C12orf42: variants seen among roughly 807,000 people sequenced by gnomAD.
C12orf42 encodes the protein chromosome 12 open reading frame 42, also known as uncharacterized protein C12orf42.
A neutral mutation model predicts 21.6 loss-of-function variants in C12orf42; 25 were observed. That is an observed-to-expected ratio of 1.16 (90% CI 0.84 to 1.62). The LOEUF is 1.62. Among genes scored for constraint, C12orf42 ranks in the 40% most tolerant of loss-of-function variants. C12orf42 has a pLI of 0.00. For missense variants in C12orf42, 483 were observed against 459.3 expected, an observed-to-expected ratio of 1.05 and a Z score of -0.47; for synonymous variants, 174 against 175.0, an observed-to-expected ratio of 0.99 and a Z score of 0.05.
At chr12:103,309,357 C>A (rs1356764861) in intron 4 of C12orf42, among the ~76,000 whole-genome samples, 7 of 152,134 alleles carry the variant, frequency 4.6e-5, no homozygotes, top group Non-Finnish European at 7.4e-5. Context: ...ATAGTAAATA[C>A]ATATTTTACA....
chr12:103,125,224 G>T, the C12orf42 span, among the ~76,000 whole-genome samples: 1 of 152,064 alleles, frequency 6.6e-6, no homozygotes, highest in African/African-American at 2.4e-5. Flanking sequence ...TAGCAGCTTA[G>T]ATATGAAAAA....
chr12:103,272,903 A>C (rs542966380), intron 5 of C12orf42, among the ~76,000 whole-genome samples: 74 of 152,260 alleles, frequency 4.9e-4, no homozygotes, highest in African/African-American at 1.7e-3. Flanking sequence ...ATGTCACCCA[A>C]GTGTGTTTTC....
At position 103,294,583 on chromosome 12, in the gene C12orf42, GGAAAGAAAGAAAGAAAGAAAGAAA is replaced by G. The variant is rs60577440; in HGVS notation, n.338-17397_338-17374del. Among the ~76,000 whole-genome samples the G allele has an allele frequency of 0.017, 1,350 of 80,330 alleles. 62 individuals are homozygous for G. The East Asian group carries it at 0.25, about 15-fold the overall frequency. 52.7% of individuals were successfully genotyped at this position (80,330 alleles called of 152,430 possible). On this transcript the variant is annotated intron_variant and non_coding_transcript_variant, in intron 4 of 6. Coordinates refer to the C12orf42 transcript ENST00000546526. ...AAAGAAAAAGAAAGGAAGGAAGGAA[GGAAAGAAAGAAAGAAAGAAAGAAA>G]GAAAGAAAGAAAGAAAGAAAGAAAG...
At chr12:103,051,266 G>T in the C12orf42 span, among the ~76,000 whole-genome samples, 5 of 152,172 alleles carry the variant, frequency 3.3e-5, no homozygotes, top group African/African-American at 9.7e-5. Context: ...TGAGGAAGTG[G>T]TCATTAGATT....
chr12:103,371,762 C>T (rs554447489), intron 3 of C12orf42, among the ~76,000 whole-genome samples: 1 of 152,182 alleles, frequency 6.6e-6, no homozygotes, highest in South Asian at 2.1e-4. Context: ...CATGTAGGCC[C>T]ACATCCAAGT....
the C12orf42 span, among the ~76,000 whole-genome samples, chr12:103,223,968 A>G: frequency 5.3e-5 from 8 of 152,192 alleles, no homozygotes; most frequent in Admixed American, 5.2e-4. Flanking sequence ...GAATACTAAG[A>G]GCCTGAAAAA....
chr12:103,257,716 A>G (rs12320837), intron 10 of C12orf42, among the ~76,000 whole-genome samples: 12,702 of 151,998 alleles, frequency 0.084, 523 homozygotes, highest in East Asian at 0.19. Context: ...GAAAGTAACA[A>G]ATACAAAAAT....
chr12:103,484,957 C>T (rs1954732767), intron 1 of C12orf42, among the ~76,000 whole-genome samples: 1 of 150,760 alleles, frequency 6.6e-6, no homozygotes, highest in African/African-American at 2.4e-5. Flanking sequence ...GCAAGCTCCA[C>T]CTCCTGGGTT....
chr12:103,323,354 A>G (rs757995792), intron 4 of C12orf42, among the ~76,000 whole-genome samples: 4 of 152,210 alleles, frequency 2.6e-5, no homozygotes, highest in Non-Finnish European at 4.4e-5. Context: ...AAGGAAATTA[A>G]TGGTTGATTA....
chr12:103,159,235 G>A, the C12orf42 span, among the ~76,000 whole-genome samples: 2 of 152,096 alleles, frequency 1.3e-5, no homozygotes, highest in African/African-American at 4.8e-5. Flanking sequence ...TTCTATCCCT[G>A]CACCTCTTCT....
At chr12:103,380,939 T>C (rs2046109542) in intron 3 of C12orf42, among the ~76,000 whole-genome samples, 1 of 152,168 alleles carries the variant, frequency 6.6e-6, no homozygotes, top group African/African-American at 2.4e-5. Flanking sequence ...ATTGTATATA[T>C]AGGGTACCTG....
chr12:103,104,293 A>C, the C12orf42 span, among the ~76,000 whole-genome samples: 2 of 152,340 alleles, frequency 1.3e-5, no homozygotes, highest in South Asian at 4.1e-4. Context: ...ACATAAGTTC[A>C]AAATAAAGAA....
At chr12:103,403,839 G>A (rs1464045891) in intron 2 of C12orf42, among the ~76,000 whole-genome samples, 1 of 152,150 alleles carries the variant, frequency 6.6e-6, no homozygotes, top group Non-Finnish European at 1.5e-5. Flanking sequence ...CAGTCAGCAC[G>A]AAGCACTGAA....
the C12orf42 span, among the ~76,000 whole-genome samples, chr12:103,076,401 T>C: frequency 2.0e-5 from 3 of 151,928 alleles, no homozygotes; most frequent in Admixed American, 2.0e-4. Context: ...CAGAGAAATA[T>C]GGCCTACCAC....
At chr12:103,188,090 A>G in the C12orf42 span, among the ~76,000 whole-genome samples, 1 of 152,100 alleles carries the variant, frequency 6.6e-6, no homozygotes, top group Non-Finnish European at 1.5e-5. Context: ...TCAGCTTCAG[A>G]GCTGGGCTCT....
intron 4 of C12orf42, among the ~76,000 whole-genome samples, chr12:103,335,876 C>A (rs1318133412): frequency 1.3e-5 from 2 of 152,202 alleles, no homozygotes; most frequent in African/African-American, 4.8e-5. Context: ...TAGCTCCAGA[C>A]ACAATGACAA....
chr12:103,443,825 T>C (rs1017599254), intron 2 of C12orf42, among the ~76,000 whole-genome samples: 3 of 152,034 alleles, frequency 2.0e-5, no homozygotes, highest in Admixed American at 6.6e-5. Context: ...CTTCAAGGCA[T>C]AGAAAGAGAA....
the C12orf42 span, among the ~76,000 whole-genome samples, chr12:103,059,590 C>A: frequency 1.3e-5 from 2 of 152,134 alleles, no homozygotes; most frequent in Non-Finnish European, 2.9e-5. Flanking sequence ...AAAATACTGG[C>A]AAACTGAATC....
At chr12:103,244,503 T>C (rs1413128672) in intron 10 of C12orf42, among the ~76,000 whole-genome samples, 1 of 151,512 alleles carries the variant, frequency 6.6e-6, no homozygotes. Context: ...GACAGTTCTC[T>C]GTCAACTGTA....
Sources: gnomAD v4.1 joint callset for allele counts (sites outside exome capture counted in the v4.1 genomes callset) on GRCh38, gnomAD v4.1.1 for gene constraint, MANE v1.5 for transcripts, NCBI Gene and HGNC (gene_info 2026-07-23, HGNC 2026-07-21) for gene names.